The following KANK1 variants were observed in gnomAD, a reference collection of about 807,000 sequenced individuals.
KANK1 encodes the protein KN motif and ankyrin repeat domains 1.
Under a neutral mutation model 106.2 loss-of-function variants are expected in KANK1, and 109 were observed. That is an observed-to-expected ratio of 1.03 (90% CI 0.88 to 1.20). The LOEUF (loss-of-function observed/expected upper bound fraction) is 1.20, where lower values mean the gene tolerates loss of function less well. Among genes scored for constraint, KANK1 ranks in the 50% most tolerant of loss-of-function variants. The pLI is 0.00. For synonymous variants in KANK1, 873 were observed against 652.2 expected (o/e 1.34, Z -5.16); for missense variants, 2,399 against 1,710.7 (o/e 1.40, Z -7.10).
intron 1 of KANK1, among the ~76,000 whole-genome samples, chr9:598,365 A>G (rs1490466684): frequency 6.6e-6 from 1 of 151,464 alleles, no homozygotes; most frequent in Non-Finnish European, 1.5e-5. Flanking sequence ...CTTCATACGA[A>G]TTTAAGGATC....
At position 711,854 on chromosome 9, in the gene KANK1, G is replaced by T. The variant is rs115756459; in HGVS notation, c.1088G>T (p.Arg363Met). The change falls in exon 3 of 12, where the codon AGG (arginine) becomes ATG (methionine). Residue 363 changes from arginine (R) to methionine (M), a missense_variant. Physicochemically the swap from Arg to Met is moderately conservative, Grantham distance 91 (BLOSUM62 -1). Transcript: ENST00000382297. ...GAGACCGTAGAACAGAGCACGCAGA[G>T]GATAAAGGAGTTCCGGCAACTTACA... ...EMETVEQSTQRIKEFRQLTAD... is the reference protein window; with the variant it reads ...EMETVEQSTQMIKEFRQLTAD... The T allele has an allele frequency of 4.3e-6, 7 of 1,614,188 alleles. No homozygotes were observed. The East Asian group carries it at 1.6e-4, about 36-fold the overall frequency.
intron 1 of KANK1, among the ~76,000 whole-genome samples, chr9:522,043 A>G (rs16918007): frequency 0.044 from 6,721 of 151,628 alleles, 210 homozygotes; most frequent in Non-Finnish European, 0.054. Context: ...GGTATTAGAA[A>G]ATGTTGGCAC....
intron 3 of KANK1, among the ~76,000 whole-genome samples, chr9:720,755 C>T (rs1015454868): frequency 7.9e-5 from 12 of 152,322 alleles, no homozygotes; most frequent in Non-Finnish European, 1.3e-4. Flanking sequence ...GCCTCAGCCC[C>T]TCAAAGTACT....
At position 714,273 on chromosome 9, in the gene KANK1, T is replaced by C. The variant is rs543218428; in HGVS notation, c.2698+809T>C. 8.6e-5 allele frequency among the ~76,000 whole-genome samples: 13 copies of C among 152,028 alleles called. 1 individual carries two copies. The highest frequency in any genetic ancestry group is 3.1e-4 in the African/African-American group (13 of 41,462). The stretch of plus-strand genomic sequence containing the variant: ...ATACTGTGAAGAAATTAACTCCGGT[T>C]ATGGGAACAGCGAGTGGTAGTGGTC... On this transcript the variant is annotated intron_variant, in intron 3 of 11. Transcript: ENST00000382297.
chr9:547,868 G>T (rs977499771), intron 1 of KANK1, among the ~76,000 whole-genome samples: 4 of 152,196 alleles, frequency 2.6e-5, no homozygotes, highest in Non-Finnish European at 5.9e-5. Flanking sequence ...TAGGCTGAAG[G>T]ATGTTGATGT....
chr9:622,754 T>C (rs1833442544), intron 1 of KANK1, among the ~76,000 whole-genome samples: 1 of 151,672 alleles, frequency 6.6e-6, no homozygotes, highest in Admixed American at 6.6e-5. Flanking sequence ...ATACAAAAAA[T>C]GAGCCAGGCG....
chr9:596,824 T>C (rs558115247), intron 1 of KANK1, among the ~76,000 whole-genome samples: 324 of 151,966 alleles, frequency 2.1e-3, no homozygotes, highest in Non-Finnish European at 3.9e-3. Context: ...ATTGTGTAGC[T>C]GCCACCTCTC....
chr9:714,480 C>A (rs888174362), intron 3 of KANK1, among the ~76,000 whole-genome samples: 2 of 150,060 alleles, frequency 1.3e-5, no homozygotes, highest in African/African-American at 4.9e-5. Flanking sequence ...GTGTCTCAAC[C>A]TCCTGAGTAG....
intron 2 of KANK1, among the ~76,000 whole-genome samples, 167 bp from the exon 3 acceptor site, chr9:710,637 A>C (rs999204738): frequency 8.7e-6 from 1 of 114,318 alleles, no homozygotes; most frequent in Non-Finnish European, 1.6e-5. Context: ...AAACAAAAAA[A>C]AACAAAAAAA....
chr9:548,062 A>G (rs191801926), intron 1 of KANK1, among the ~76,000 whole-genome samples: 15 of 152,302 alleles, frequency 9.8e-5, no homozygotes, highest in African/African-American at 3.1e-4. Flanking sequence ...ATGGTTTTCT[A>G]TAGTTAGGAA....
chr9:586,675 C>A (rs1417220808), intron 1 of KANK1, among the ~76,000 whole-genome samples: 1 of 152,108 alleles, frequency 6.6e-6, no homozygotes, highest in African/African-American at 2.4e-5. Context: ...TATGCATGTG[C>A]TGAATTATGT....
rs1563847357 is a variant in KANK1 at position 606,171 on chromosome 9, AC to A, written c.-83-70718del. Among the ~76,000 whole-genome samples the A allele has an allele frequency of 9.6e-3, 1,446 of 150,380 alleles. 58 individuals carry two copies. Among genetic ancestry groups the A allele is most frequent in the African/African-American group, 0.034 (1,371 of 40,596 alleles). On this transcript the variant is annotated intron_variant, in intron 1 of 11. Transcript: ENST00000382297. The stretch of plus-strand genomic sequence containing the variant: ...CACACACACACACACACACACACAC[AC>A]ACACACACACCACTCACACATATAT...
At position 676,911 on chromosome 9, in the gene KANK1, G is replaced by A; in HGVS notation, c.-62G>A. ...TCAGGTTGAATGCCTTTGAGAACTT[G>A]ATGCATAAAATTTGCATGACTCCTC... On this transcript the variant is annotated 5_prime_UTR_variant, in exon 2 of 12. The change abolishes the stop of an existing upstream ORF in the 5' untranslated region. Transcript: ENST00000382297. 7.4e-7 allele frequency: 1 copy of A among 1,354,346 alleles called. No homozygotes were observed. Among genetic ancestry groups the A allele is most frequent in the Non-Finnish European group, 1.1e-6 (1 of 952,326 alleles). 83.9% of individuals were successfully genotyped at this position (1,354,346 alleles called of 1,614,324 possible).
chr9:671,030 G>C (rs954930850), intron 1 of KANK1, among the ~76,000 whole-genome samples: 4 of 143,768 alleles, frequency 2.8e-5, no homozygotes, highest in Non-Finnish European at 4.5e-5. Context: ...AGTTCTGAGA[G>C]ATTGCTGGTG....
At chr9:557,651 A>G (rs1164516346) in intron 1 of KANK1, among the ~76,000 whole-genome samples, 1 of 152,244 alleles carries the variant, frequency 6.6e-6, no homozygotes, top group Non-Finnish European at 1.5e-5. Flanking sequence ...TCACGAAAGT[A>G]CTAATCCTTG....
At position 745,563 on chromosome 9, in the gene KANK1, ACT is replaced by A. The variant is rs1266229817; in HGVS notation, c.*329_*330del. The A allele has an allele frequency of 2.1e-5, 4 of 191,734 alleles. No individual in the cohort carries two copies. The highest frequency in any genetic ancestry group is 4.2e-5 in the Non-Finnish European group (4 of 94,340). 11.9% of individuals were successfully genotyped at this position (191,734 alleles called of 1,614,324 possible). A position where few individuals can be genotyped will look rare whatever the true frequency, so the allele number is the denominator to read the frequency against. On this transcript the variant is annotated 3_prime_UTR_variant, in exon 12 of 12. Transcript: ENST00000382297. Reference sequence around the variant, plus strand: ...TCCCACAAAGTGGTGTCTGGTTCTCACTGAGACGTTTTAAGATTTTTCCACAA... The same window carrying A: ...TCCCACAAAGTGGTGTCTGGTTCTCAGAGACGTTTTAAGATTTTTCCACAA...
chr9:670,699 T>G (rs1172105611), intron 1 of KANK1, among the ~76,000 whole-genome samples: 3 of 152,168 alleles, frequency 2.0e-5, no homozygotes, highest in Non-Finnish European at 2.9e-5. Flanking sequence ...CCTGCCTCCT[T>G]CCTTTGTGTC....
At chr9:548,560 T>C (rs1389061511) in intron 1 of KANK1, among the ~76,000 whole-genome samples, 5 of 152,172 alleles carry the variant, frequency 3.3e-5, no homozygotes, top group African/African-American at 1.2e-4. Context: ...CAAACAGATA[T>C]TTGTGACTTC....
intron 2 of KANK1, among the ~76,000 whole-genome samples, chr9:706,286 G>T (rs1824136960): frequency 6.6e-6 from 1 of 152,164 alleles, no homozygotes; most frequent in Non-Finnish European, 1.5e-5. Flanking sequence ...GAAGTCCAAA[G>T]TTCATTTGGG....
Sources: allele counts gnomAD v4.1 joint callset (sites outside exome capture counted in the v4.1 genomes callset), GRCh38; gene constraint gnomAD v4.1.1; transcripts MANE v1.5; gene names NCBI Gene and HGNC (gene_info 2026-07-23, HGNC 2026-07-21).